The following KIF6 variants were observed in gnomAD, a reference collection of about 807,000 sequenced individuals.
KIF6 encodes the protein kinesin family member 6, also known as kinesin-like protein KIF6.
In KIF6, 106 loss-of-function variants were observed where a neutral mutation model predicts 112.7. That is an observed-to-expected ratio of 0.94 (90% CI 0.80 to 1.11). The LOEUF (loss-of-function observed/expected upper bound fraction) is 1.11, where lower values mean the gene tolerates loss of function less well. KIF6 is among the 50% of genes least tolerant of loss of function. The pLI is 0.00. For missense variants in KIF6, 929 were observed against 964.0 expected (o/e 0.96, Z 0.48); for synonymous variants, 339 against 339.9 (o/e 1.00, Z 0.03).
At chr6:39,482,060 A>G (rs1263056329) in intron 13 of KIF6, among the ~76,000 whole-genome samples, 1 of 151,276 alleles carries the variant, frequency 6.6e-6, no homozygotes, top group Non-Finnish European at 1.5e-5. Context: ...GACCCGTGGG[A>G]GGCAGCAATA....
At chr6:39,638,118 T>C (rs1784721895) in intron 4 of KIF6, among the ~76,000 whole-genome samples, 1 of 152,066 alleles carries the variant, frequency 6.6e-6, no homozygotes, top group South Asian at 2.1e-4. Flanking sequence ...TTCTCTGAAA[T>C]TGGTCAGGGA....
chr6:39,496,562 A>T lies in KIF6; in HGVS notation c.1645+43441T>A, dbSNP rs1410283064. Among the ~76,000 whole-genome samples, 4 of 152,186 alleles carry T rather than the reference A, an allele frequency of 2.6e-5. No individual in the cohort carries two copies. The East Asian group carries it at 7.7e-4, about 29-fold the overall frequency. On this transcript the variant is annotated intron_variant, in intron 13 of 22. Transcript: ENST00000287152. ...CTGGAGGGAATAAAGTTTAGAGAAA[A>T]GTGACTACCCCCCCAACTCCATCTG...
intron 19 of KIF6, chr6:39,354,144 G>T: frequency 2.9e-6 from 1 of 349,650 alleles, no homozygotes; most frequent in Non-Finnish European, 5.7e-6. Flanking sequence ...TGGCTAGCAT[G>T]TGACCTGCTG....
chr6:39,414,503 G>A (rs1012319976), intron 15 of KIF6, among the ~76,000 whole-genome samples: 1 of 152,328 alleles, frequency 6.6e-6, no homozygotes, highest in South Asian at 2.1e-4. Context: ...GCCTTCCTAT[G>A]GGCAGATGTA....
At chr6:39,376,935 T>A (rs1186026493) in intron 16 of KIF6, among the ~76,000 whole-genome samples, 1 of 152,238 alleles carries the variant, frequency 6.6e-6, no homozygotes, top group Non-Finnish European at 1.5e-5. Context: ...ATCCCAAAGC[T>A]GCGCTGTTTG....
intron 15 of KIF6, among the ~76,000 whole-genome samples, chr6:39,408,977 C>T (rs1769288289): frequency 6.6e-6 from 1 of 152,126 alleles, no homozygotes; most frequent in Non-Finnish European, 1.5e-5. Flanking sequence ...TGCCTCTTTC[C>T]TTTATTGTCA....
chr6:39,528,178 G>C (rs760343340), intron 13 of KIF6, among the ~76,000 whole-genome samples: 4 of 152,000 alleles, frequency 2.6e-5, no homozygotes, highest in Non-Finnish European at 4.4e-5. Flanking sequence ...GAGTTCGATT[G>C]TTTTAGATTC....
chr6:39,618,698 C>T (rs991877048), intron 5 of KIF6, among the ~76,000 whole-genome samples: 15 of 152,304 alleles, frequency 9.8e-5, no homozygotes, highest in Middle Eastern at 3.4e-3. Context: ...TGTTTTCCAA[C>T]CTGACTGTGA....
intron 13 of KIF6, among the ~76,000 whole-genome samples, chr6:39,528,758 T>C (rs181867800): frequency 1.3e-5 from 2 of 152,356 alleles, no homozygotes; most frequent in African/African-American, 4.8e-5. Context: ...TATCTGTTCA[T>C]AGACTGGAAG....
chr6:39,562,722 A>T (rs9394612), intron 10 of KIF6, among the ~76,000 whole-genome samples: 93,185 of 152,090 alleles, frequency 0.61, 31,016 homozygotes, highest in African/African-American at 0.88. Flanking sequence ...ATATATAAAA[A>T]GTCTAATATA....
Position 39,623,244 on chromosome 6 carries a change from CTT to C in KIF6, c.510-9928_510-9927del, listed in dbSNP as rs551904474. On this transcript the variant is annotated intron_variant, in intron 5 of 22. Coordinates refer to ENST00000287152, the MANE Select transcript of KIF6 (RefSeq NM_145027.6). ...AGATAGTGTCATTAATTTTCTCTCA[CTT>C]CTCTACTTTTTGAAACTTTTGTTCT... Among the ~76,000 whole-genome samples, 61 of 152,212 alleles carry C rather than the reference CTT, an allele frequency of 4.0e-4. 1 individual carries two copies. In the South Asian group the frequency reaches 0.013, roughly 32 times the overall value.
chr6:39,344,537 A>G (rs1183776921), intron 21 of KIF6, among the ~76,000 whole-genome samples: 1 of 152,072 alleles, frequency 6.6e-6, no homozygotes, highest in Non-Finnish European at 1.5e-5. Flanking sequence ...TTCCAGCCTC[A>G]GGGCCTTTGC....
chr6:39,375,969 C>T (rs889938509), intron 16 of KIF6, among the ~76,000 whole-genome samples: 2 of 152,170 alleles, frequency 1.3e-5, no homozygotes, highest in Non-Finnish European at 2.9e-5. Flanking sequence ...GGGTCTGAAC[C>T]CTTGGCAGTT....
At chr6:39,679,643 T>C (rs1787388992) in intron 3 of KIF6, among the ~76,000 whole-genome samples, 1 of 133,950 alleles carries the variant, frequency 7.5e-6, no homozygotes, top group Non-Finnish European at 1.6e-5. Context: ...TGAGGCGGAG[T>C]CTCACTCTGC....
chr6:39,344,151 A>G (rs997359206), intron 21 of KIF6, among the ~76,000 whole-genome samples: 1 of 152,182 alleles, frequency 6.6e-6, no homozygotes, highest in Non-Finnish European at 1.5e-5. Flanking sequence ...GGTTTCCTCC[A>G]TACTGTTCTC....
intron 5 of KIF6, among the ~76,000 whole-genome samples, chr6:39,627,896 T>C (rs957177302): frequency 3.9e-5 from 6 of 152,168 alleles, no homozygotes; most frequent in Admixed American, 1.3e-4. Context: ...AGTCCTTTTA[T>C]AGCATGTGAC....
intron 16 of KIF6, among the ~76,000 whole-genome samples, chr6:39,376,956 G>A (rs984288127): frequency 2.0e-5 from 3 of 152,254 alleles, no homozygotes; most frequent in Admixed American, 6.5e-5. Context: ...CACAGTGGCT[G>A]TCCTCACCCT....
rs149425612 is a variant in KIF6 at position 39,605,918 on chromosome 6, C to T, written c.639+7271G>A. The stretch of plus-strand genomic sequence containing the variant: ...TGAGCTCTTCCAATTTTTTCAGTTA[C>T]GTCCTTTTCATCTGCAGATTCAAGT... On this transcript the variant is annotated intron_variant, in intron 6 of 22. Coordinates refer to ENST00000287152, the MANE Select transcript of KIF6 (RefSeq NM_145027.6). Among the ~76,000 whole-genome samples the T allele has an allele frequency of 3.1e-3, 479 of 152,156 alleles. 3 individuals are homozygous for T. The highest frequency in any genetic ancestry group is 7.5e-3 in the African/African-American group (313 of 41,534).
intron 3 of KIF6, among the ~76,000 whole-genome samples, chr6:39,672,372 T>C (rs1262670684): frequency 6.6e-6 from 1 of 152,240 alleles, no homozygotes; most frequent in African/African-American, 2.4e-5. Context: ...CAAGAACATA[T>C]CAATGACTTT....
Sources: allele counts gnomAD v4.1 joint callset (sites outside exome capture counted in the v4.1 genomes callset), GRCh38; gene constraint gnomAD v4.1.1; transcripts MANE v1.5; gene names NCBI Gene and HGNC (gene_info 2026-07-23, HGNC 2026-07-21).